MLXIP: variants seen among roughly 807,000 people sequenced by gnomAD.
MLXIP encodes the protein MLX interacting protein.
MLXIP carries 30 observed loss-of-function variants against 87.2 expected under a neutral mutation model. The ratio of observed to expected loss-of-function variants is 0.34; its 90% CI spans 0.26 to 0.47. MLXIP has a LOEUF of 0.47. MLXIP is among the 20% of genes least tolerant of loss of function. MLXIP has a pLI of 1.00. For missense variants in MLXIP, 1,002 were observed against 1,240.1 expected (o/e 0.81, Z 2.88); for synonymous variants, 530 against 514.0 (o/e 1.03, Z -0.42).
intron 1 of MLXIP, among the ~76,000 whole-genome samples, chr12:122,087,736 C>G (rs1333181761): frequency 6.6e-6 from 1 of 152,028 alleles, no homozygotes; most frequent in Non-Finnish European, 1.5e-5. Flanking sequence ...TGGGGCCAGT[C>G]TACAGGAGAC....
chr12:122,096,335 C>A (rs1015915005), intron 1 of MLXIP, among the ~76,000 whole-genome samples: 4 of 152,036 alleles, frequency 2.6e-5, no homozygotes, highest in Non-Finnish European at 5.9e-5. Flanking sequence ...GAGAATATTT[C>A]GCTGGTGTTT....
In MLXIP at chr12:122,135,680, C is replaced by G; in HGVS notation, c.2032+14C>G. ...TCACAGGGCCCAGTGAGTGTTCACT[C>G]GGCGGGATGGTTGGGGCATCGCAAG... On this transcript the variant is annotated intron_variant, in intron 11 of 16. Transcript: ENST00000319080. The surrounding 1 kb of genome is among the most constrained non-coding windows in gnomAD (Gnocchi z 5.3). 2 of 1,473,694 alleles carry G rather than the reference C, an allele frequency of 1.4e-6. No homozygotes were observed. The highest frequency in any genetic ancestry group is 1.8e-6 in the Non-Finnish European group (2 of 1,112,624). The allele number at this position is 1,473,694 out of a possible 1,614,324, so 91.3% of individuals were successfully genotyped here.
chr12:122,137,538 C>G lies in MLXIP; in HGVS notation c.2102C>G (p.Pro701Arg). ...ASEQSPSPQS[P>R]QNNCSGKSDP... ...GAGCAGAGCCCCAGTCCTCAATCTCCCCAGAACAACTGCTCAGGGAAATCC... is the reference window on the plus strand; with the variant it reads ...GAGCAGAGCCCCAGTCCTCAATCTCGCCAGAACAACTGCTCAGGGAAATCC... The change falls in exon 12 of 17, where the codon CCC becomes CGC. Residue 701 changes from proline (P) to arginine (R), a missense_variant. Pro to Arg is a moderately radical substitution (Grantham distance 103). This residue lies in a region of MLXIP where 746 missense variants were observed against 897.0 expected (regional missense o/e 0.83). Transcript: ENST00000319080. This position sits in a 1 kb window ranked among gnomAD's most constrained non-coding sequence, Gnocchi z 4.1. 1 of 1,614,010 alleles carries G rather than the reference C, an allele frequency of 6.2e-7. No homozygotes were observed. Among genetic ancestry groups the G allele is most frequent in the East Asian group, 2.2e-5 (1 of 44,876 alleles).
intron 1 of MLXIP, among the ~76,000 whole-genome samples, chr12:122,095,200 G>A: frequency 6.9e-6 from 1 of 145,132 alleles, no homozygotes. Flanking sequence ...TGTGGTGTGT[G>A]GTGTGTTGGT....
chr12:122,114,505 G>T (rs1343844931), intron 1 of MLXIP, among the ~76,000 whole-genome samples: 1 of 152,134 alleles, frequency 6.6e-6, no homozygotes, highest in Admixed American at 6.6e-5. Context: ...TTCTAGCCCC[G>T]CCCAGATGTC....
rs1208582733 is a variant in MLXIP at position 122,135,486 on chromosome 12, C to T, written c.1855-3C>T. The stretch of plus-strand genomic sequence containing the variant: ...GGGTGACCTGTCTCCCATGTCACTG[C>T]AGGCTCCTGGGGTCCCGGAGTTCCA... On this transcript the variant is annotated splice_region_variant and splice_polypyrimidine_tract_variant and intron_variant, in intron 10 of 16. Transcript: ENST00000319080. The surrounding 1 kb of genome is among the most constrained non-coding windows in gnomAD (Gnocchi z 5.3). 3 of 1,609,562 alleles carry T rather than the reference C, an allele frequency of 1.9e-6. No individual in the cohort carries two copies. Among genetic ancestry groups the T allele is most frequent in the Non-Finnish European group, 2.5e-6 (3 of 1,178,330 alleles).
chr12:122,121,945 T>C (rs1593097444), intron 1 of MLXIP, among the ~76,000 whole-genome samples: 3 of 152,194 alleles, frequency 2.0e-5, no homozygotes, highest in Admixed American at 1.3e-4. Context: ...AATAACTGCA[T>C]ATTTAAAACA....
In MLXIP at chr12:122,084,051, T is replaced by G. The variant is rs1952129766; in HGVS notation, c.413+4785T>G. ...CTCTCTCCTCAAGGGGCTCACAGGC[T>G]AGGCGTGGGGACAGATAGTTATAGA... is the stretch of plus-strand genomic sequence containing the variant. On this transcript the variant is annotated intron_variant, in intron 1 of 16. Transcript: ENST00000319080. Among the ~76,000 whole-genome samples the G allele has an allele frequency of 2.0e-5, 3 of 152,038 alleles. No individual in the cohort carries two copies. The South Asian group carries it at 6.2e-4, about 32-fold the overall frequency.
chr12:122,106,411 G>A (rs970677173), intron 1 of MLXIP, among the ~76,000 whole-genome samples: 1 of 152,118 alleles, frequency 6.6e-6, no homozygotes, highest in Non-Finnish European at 1.5e-5. Flanking sequence ...ATTAGCTCGT[G>A]AGGTCCTGAG....
At chr12:122,085,397 T>A (rs533978241) in intron 1 of MLXIP, among the ~76,000 whole-genome samples, 12 of 151,936 alleles carry the variant, frequency 7.9e-5, no homozygotes, top group Non-Finnish European at 1.8e-4. Flanking sequence ...CTTTATAATC[T>A]GTAGTGAATT....
At chr12:122,097,442 G>A (rs963385720) in intron 1 of MLXIP, among the ~76,000 whole-genome samples, 4 of 151,860 alleles carry the variant, frequency 2.6e-5, no homozygotes, top group Admixed American at 2.6e-4. Context: ...GCAACATAAC[G>A]AGACCCTATT....
At position 122,120,159 on chromosome 12, in the gene MLXIP, C is replaced by T. The variant is rs555674462; in HGVS notation, c.414-7097C>T. Among the ~76,000 whole-genome samples the T allele has an allele frequency of 8.1e-5, 9 of 110,926 alleles. No homozygotes were observed. In the East Asian group the frequency reaches 2.3e-3, roughly 29 times the overall value. 72.8% of individuals were successfully genotyped at this position (110,926 alleles called of 152,430 possible). A position where few individuals can be genotyped will look rare whatever the true frequency, so the allele number is the denominator to read the frequency against. ...AAGTTCTGAGAATATTTTTTTCTTTCTTTCCCCCTCCCCCCTTCTTCTCTC... is the reference window on the plus strand; with the variant it reads ...AAGTTCTGAGAATATTTTTTTCTTTTTTTCCCCCTCCCCCCTTCTTCTCTC... On this transcript the variant is annotated intron_variant, in intron 1 of 16. Transcript: ENST00000319080.
At chr12:122,084,144 T>TTGTGTGTGTGTGTGTGTG (rs746678463) in intron 1 of MLXIP, among the ~76,000 whole-genome samples, 9 of 138,164 alleles carry the variant, frequency 6.5e-5, no homozygotes, top group African/African-American at 2.2e-4. Flanking sequence ...CTCAGCCAGA[T>TTGTGTGTGTGTGTGTGTG]TGTGTGTGTG....
Position 122,133,314 on chromosome 12 carries a change from G to T in MLXIP, c.1093-34G>T. 6.5e-7 allele frequency: 1 copy of T among 1,529,782 alleles called. No homozygotes were observed. The allele number at this position is 1,529,782 out of a possible 1,614,324, so 94.8% of individuals were successfully genotyped here. A position where few individuals can be genotyped will look rare whatever the true frequency, so the allele number is the denominator to read the frequency against. On this transcript the variant is annotated intron_variant, in intron 8 of 16. Transcript: ENST00000319080. The surrounding 1 kb of genome is among the most constrained non-coding windows in gnomAD (Gnocchi z 4.9). ...GCTAGAAAGGAATTGTCTGACCCCA[G>T]CATTGCTTCCTGGCTCCTTTCTTCC...
At chr12:122,097,107 C>T (rs897446773) in intron 1 of MLXIP, among the ~76,000 whole-genome samples, 1 of 152,236 alleles carries the variant, frequency 6.6e-6, no homozygotes, top group Admixed American at 6.5e-5. Context: ...CTAACACTTG[C>T]ATTGTCAGAA....
chr12:122,122,907 G>A (rs1198962380), intron 1 of MLXIP, among the ~76,000 whole-genome samples: 1 of 149,768 alleles, frequency 6.7e-6, no homozygotes, highest in African/African-American at 2.5e-5. Flanking sequence ...TGCCCAGGCT[G>A]GTCTGGAACT....
At chr12:122,114,601 AC>A (rs1952658675) in intron 1 of MLXIP, among the ~76,000 whole-genome samples, 1 of 152,146 alleles carries the variant, frequency 6.6e-6, no homozygotes, top group African/African-American at 2.4e-5. Context: ...CAGATTGGTA[AC>A]TGTTCTGTGG....
intron 16 of MLXIP, 93 bp downstream of exon 16, chr12:122,141,176 C>T (rs1396198063): frequency 6.8e-7 from 1 of 1,466,440 alleles, no homozygotes; most frequent in Non-Finnish European, 9.0e-7. Context: ...GACTCCACTG[C>T]AGGCAGCCAG....
rs765372162 is a variant in MLXIP at position 122,138,219 on chromosome 12, C to T, written c.2180C>T (p.Ala727Val). Reference sequence around the variant, plus strand: ...AACCGGCAGATGAAGCACATCTCAGCTGAGCAGAAAAGGCGCTTCAACATC... The same window carrying T: ...AACCGGCAGATGAAGCACATCTCAGTTGAGCAGAAAAGGCGCTTCAACATC... ...LKNRQMKHIS[A>V]EQKRRFNIKM... The change falls in exon 13 of 17, where the codon GCT (alanine) becomes GTT (valine). Residue 727 changes from alanine (A) to valine (V), a missense_variant. This residue lies in a region of MLXIP where 746 missense variants were observed against 897.0 expected (regional missense o/e 0.83). Transcript: ENST00000319080. 4.4e-6 allele frequency: 7 copies of T among 1,609,020 alleles called. No homozygotes were observed. The highest frequency in any genetic ancestry group is 4.5e-5 in the East Asian group (2 of 44,708).
Sources: allele counts gnomAD v4.1 joint callset (sites outside exome capture counted in the v4.1 genomes callset), GRCh38; gene constraint gnomAD v4.1.1; regional missense constraint gnomAD v4.1.1; non-coding constraint Gnocchi (gnomAD v3.1); transcripts MANE v1.5; gene names NCBI Gene and HGNC (gene_info 2026-07-23, HGNC 2026-07-21).